Variants in ASNS observed in about 807,000 individuals in gnomAD.
ASNS encodes asparagine synthetase (glutamine-hydrolyzing).
A neutral mutation model predicts 62.6 loss-of-function variants in ASNS; 37 were observed. The ratio of observed to expected loss-of-function variants is 0.59; its 90% CI spans 0.45 to 0.78. The LOEUF is 0.78. ASNS is among the 30% of genes least tolerant of loss of function. The pLI, the probability that ASNS is intolerant of heterozygous loss-of-function variation, is 0.00. For missense variants in ASNS, 520 were observed against 682.4 expected (o/e 0.76, Z 2.65); for synonymous variants, 207 against 237.9 (o/e 0.87, Z 1.19).
the ASNS span, among the ~76,000 whole-genome samples, chr7:97,907,941 TA>T: frequency 2.6e-5 from 4 of 151,360 alleles, no homozygotes; most frequent in Non-Finnish European, 1.5e-5. Context: ...TTGAGCTCTT[TA>T]AAAAAAAGTC....
the ASNS span, among the ~76,000 whole-genome samples, chr7:97,900,678 C>A: frequency 6.6e-6 from 1 of 152,186 alleles, no homozygotes; most frequent in Non-Finnish European, 1.5e-5. Flanking sequence ...GCTCCTACTG[C>A]AAATGGTCTC....
Position 97,868,933 on chromosome 7 carries a change from T to G in ASNS, c.224A>C (p.Asn75Thr). 1 of 1,614,184 alleles carries G rather than the reference T, an allele frequency of 6.2e-7. No individual in the cohort carries two copies. Reference protein sequence around the residue: ...KKYPYLWLCYNGEIYNHKKMQ... With the variant: ...KKYPYLWLCYTGEIYNHKKMQ... Reference sequence around the variant, plus strand: ...CTTCTTATGGTTGTAGATTTCACCATTGTAACAGAGCCACAAATACGGATA... The same window carrying G: ...CTTCTTATGGTTGTAGATTTCACCAGTGTAACAGAGCCACAAATACGGATA... The change falls in exon 3 of 13, where the codon AAT becomes ACT. Residue 75 changes from asparagine to threonine, a missense_variant. By Grantham distance (65) the Asn-to-Thr change is moderately conservative. Transcript: ENST00000394308.
At chr7:97,891,688 T>C in the ASNS span, among the ~76,000 whole-genome samples, 13 of 152,306 alleles carry the variant, frequency 8.5e-5, no homozygotes, top group Non-Finnish European at 1.6e-4. Flanking sequence ...GGCAGTCAAA[T>C]CTCAAAGCTC....
chr7:97,861,811 C>G (rs571044058), intron 4 of ASNS, among the ~76,000 whole-genome samples: 1 of 152,252 alleles, frequency 6.6e-6, no homozygotes, highest in East Asian at 1.9e-4. Context: ...GATACTTTTC[C>G]ATTTATTTAG....
At chr7:97,888,513 C>T in the ASNS span, among the ~76,000 whole-genome samples, 7 of 152,138 alleles carry the variant, frequency 4.6e-5, no homozygotes, top group South Asian at 2.1e-4. Context: ...TTTTAGGCTA[C>T]GATGGCACCA....
At chr7:97,886,591 A>G in the ASNS span, among the ~76,000 whole-genome samples, 1 of 152,128 alleles carries the variant, frequency 6.6e-6, no homozygotes, top group South Asian at 2.1e-4. Flanking sequence ...GCCAAAAAAG[A>G]TGCAGTTTTC....
the ASNS span, among the ~76,000 whole-genome samples, chr7:97,912,565 CTTTTTTTTTTTT>C: frequency 1.2e-4 from 5 of 41,496 alleles, no homozygotes; most frequent in Admixed American, 2.2e-4. Context: ...GTTAACTTTG[CTTTTTTTTTTTT>C]TTTTTTTTTT....
chr7:97,927,309 T>A, the ASNS span, among the ~76,000 whole-genome samples: 1 of 152,134 alleles, frequency 6.6e-6, no homozygotes, highest in Non-Finnish European at 1.5e-5. Context: ...GTCCCATTTA[T>A]CCACCATACA....
intron 10 of ASNS, 39 bp downstream of exon 10, chr7:97,854,524 GTTTTGTTTTTGGTGTTT>G: frequency 1.9e-6 from 3 of 1,582,842 alleles, no homozygotes; most frequent in Non-Finnish European, 2.6e-6. Context: ...TTTTTGTTTT[GTTTTGTTTTTGGTGTTT>G]TTTTGTTTTT....
chr7:97,882,009 G>C, the ASNS span, among the ~76,000 whole-genome samples: 1 of 151,978 alleles, frequency 6.6e-6, no homozygotes, highest in Non-Finnish European at 1.5e-5. Context: ...GTACCACCAC[G>C]CCTGGCTAAT....
the ASNS span, chr7:97,906,830 T>C: frequency 1.3e-5 from 2 of 152,036 alleles, no homozygotes; most frequent in Admixed American, 6.6e-5. Context: ...AATGATATAG[T>C]TCCAACTCGA....
At chr7:97,907,847 T>G in the ASNS span, among the ~76,000 whole-genome samples, 1 of 151,654 alleles carries the variant, frequency 6.6e-6, no homozygotes, top group Non-Finnish European at 1.5e-5. Context: ...AATCCAAGAA[T>G]TTTATAGCCA....
chr7:97,852,563 G>T, intron 12 of ASNS, 95 bp from the exon 13 acceptor site: 1 of 1,210,382 alleles, frequency 8.3e-7, no homozygotes, highest in Non-Finnish European at 1.2e-6. Context: ...GTTAAGACGT[G>T]ACTGTAACTT....
chr7:97,896,741 C>CTTATATATATATATATAT, the ASNS span, among the ~76,000 whole-genome samples: 1 of 19,768 alleles, frequency 5.1e-5, no homozygotes, highest in African/African-American at 1.1e-4. Flanking sequence ...CACACACACA[C>CTTATATATATATATATAT]ATATATATAT....
chr7:97,927,190 G>C, the ASNS span, among the ~76,000 whole-genome samples: 3 of 150,354 alleles, frequency 2.0e-5, no homozygotes, highest in African/African-American at 4.9e-5. Flanking sequence ...AAAGTGCTGG[G>C]ATTATTGGCT....
At position 97,855,407 on chromosome 7, in the gene ASNS, G is replaced by A. The variant is rs779338828; in HGVS notation, c.1083C>T (p.Ile361=). 2.7e-5 allele frequency: 43 copies of A among 1,612,466 alleles called. No homozygotes were observed. The highest frequency in any genetic ancestry group is 2.2e-4 in the South Asian group (20 of 90,986). ...YIRKNTDSVV[I]FSGEGSDELT... ...GTTCATCTGATCCTTCTCCAGAGAA[G>A]ATCACCACGCTATCTGTGTTCTTCC... is the stretch of plus-strand genomic sequence containing the variant. Residue 361 remains isoleucine (I), a synonymous_variant, in exon 9 of 13, where the codon ATC becomes ATT. Transcript: ENST00000394308.
intron 4 of ASNS, 125 bp downstream of exon 4, chr7:97,864,133 GT>G: frequency 1.3e-6 from 1 of 796,466 alleles, no homozygotes; most frequent in South Asian, 2.0e-5. Flanking sequence ...TTAAAAAAAG[GT>G]AAAGACTCAT....
upstream of ASNS, among the ~76,000 whole-genome samples, chr7:97,875,406 T>G (rs569976223): frequency 6.6e-6 from 1 of 152,346 alleles, no homozygotes; most frequent in South Asian, 2.1e-4. Context: ...CCCAAAGTTC[T>G]GGGATGACAG....
chr7:97,859,511 C>A lies in ASNS; in HGVS notation c.488-113G>T, dbSNP rs181259864. The A allele has an allele frequency of 2.6e-3, 3,000 of 1,165,898 alleles. 21 individuals carry two copies. Among genetic ancestry groups the A allele is most frequent in the South Asian group, 0.01 (454 of 43,904 alleles). The allele number at this position is 1,165,898 out of a possible 1,614,324, so 72.2% of individuals were successfully genotyped here. A position where few individuals can be genotyped will look rare whatever the true frequency, so the allele number is the denominator to read the frequency against. ...TTTCCCTTTTTAATACAAACACATA[C>A]CCATTAAATAAGCAAAATAGGAAAA... On this transcript the variant is annotated intron_variant, in intron 4 of 12. Coordinates refer to ENST00000394308, the MANE Select transcript of ASNS (RefSeq NM_001673.5).
Sources: allele counts gnomAD v4.1 joint callset (sites outside exome capture counted in the v4.1 genomes callset), GRCh38; gene constraint gnomAD v4.1.1; transcripts MANE v1.5; gene names NCBI Gene and HGNC (gene_info 2026-07-23, HGNC 2026-07-21).